The following NUMB variants were observed in gnomAD, a reference collection of about 807,000 sequenced individuals.
The protein encoded by NUMB is protein numb homolog.
Under a neutral mutation model 59.7 loss-of-function variants are expected in NUMB, and 29 were observed. The ratio of observed to expected loss-of-function variants is 0.49; its 90% CI spans 0.36 to 0.66. The LOEUF is 0.66. Among genes scored for constraint, NUMB ranks in the 30% least tolerant of loss-of-function variants. NUMB has a pLI of 0.00. For synonymous variants in NUMB, 288 were observed against 288.2 expected (o/e 1.00, Z 0.01); for missense variants, 723 against 822.0 (o/e 0.88, Z 1.47).
At chr14:73,442,012 C>T (rs1308043345) in intron 1 of NUMB, among the ~76,000 whole-genome samples, 3 of 151,742 alleles carry the variant, frequency 2.0e-5, no homozygotes, top group Non-Finnish European at 4.4e-5. Context: ...AAAGAGTTAC[C>T]ATATAACCTA....
chr14:73,429,442 C>T (rs1449583136), intron 1 of NUMB, among the ~76,000 whole-genome samples: 1 of 152,122 alleles, frequency 6.6e-6, no homozygotes, highest in Admixed American at 6.5e-5. Flanking sequence ...TGAAATCACA[C>T]AGTATGTGGC....
intron 1 of NUMB, among the ~76,000 whole-genome samples, chr14:73,427,108 GCAACTGGC>G (rs1235370107): frequency 1.9e-4 from 29 of 152,174 alleles, no homozygotes; most frequent in Admixed American, 1.9e-3. Context: ...AAGGCTGAAA[GCAACTGGC>G]CAACTCTGCC....
At chr14:73,346,173 C>T (rs1422344571) in intron 4 of NUMB, among the ~76,000 whole-genome samples, 1 of 151,982 alleles carries the variant, frequency 6.6e-6, no homozygotes, top group African/African-American at 2.4e-5. Context: ...AAAATCCCTT[C>T]TCCATTAAAA....
intron 1 of NUMB, among the ~76,000 whole-genome samples, chr14:73,431,365 C>T (rs1454082697): frequency 6.6e-6 from 1 of 151,438 alleles, no homozygotes; most frequent in South Asian, 2.1e-4. Flanking sequence ...AAGCAACTCT[C>T]GTGCTTTGGC....
At chr14:73,425,580 C>G (rs1398654606) in intron 1 of NUMB, among the ~76,000 whole-genome samples, 1 of 152,048 alleles carries the variant, frequency 6.6e-6, no homozygotes, top group East Asian at 1.9e-4. Context: ...TACAGATATT[C>G]TGAATATTGA....
chr14:73,278,413 G>A (rs1305887175), intron 12 of NUMB, among the ~76,000 whole-genome samples: 1 of 151,966 alleles, frequency 6.6e-6, no homozygotes, highest in Non-Finnish European at 1.5e-5. Flanking sequence ...CCAGCTACTC[G>A]GGAGGCTGAG....
At position 73,276,532 on chromosome 14, in the gene NUMB, C is replaced by CT. The variant is rs780907508; in HGVS notation, c.*45dup. The CT allele has an allele frequency of 2.7e-6, 4 of 1,493,116 alleles. No individual in the cohort carries two copies. In the East Asian group the frequency reaches 9.1e-5, roughly 34 times the overall value. The allele number at this position is 1,493,116 out of a possible 1,614,324, so 92.5% of individuals were successfully genotyped here. ...GTTTTGCTCCTTTGACCGCTACCCC[C>CT]TGCTCCCTGTCTGGTATGGACAAGA... On this transcript the variant is annotated 3_prime_UTR_variant, in exon 13 of 13. Coordinates refer to ENST00000555238, the MANE Select transcript of NUMB (RefSeq NM_001005743.2).
chr14:73,434,655 G>A (rs1210613204), intron 1 of NUMB, among the ~76,000 whole-genome samples: 2 of 152,048 alleles, frequency 1.3e-5, no homozygotes, highest in African/African-American at 4.8e-5. Flanking sequence ...TGCTTGAGGT[G>A]AGGAGTTCGA....
At chr14:73,451,819 T>G (rs1884000681) in intron 1 of NUMB, among the ~76,000 whole-genome samples, 1 of 152,202 alleles carries the variant, frequency 6.6e-6, no homozygotes, top group African/African-American at 2.4e-5. Context: ...AGCTAAGCAG[T>G]ATTCTACAGT....
chr14:73,404,056 G>A (rs951662200), intron 2 of NUMB, among the ~76,000 whole-genome samples: 1 of 147,548 alleles, frequency 6.8e-6, no homozygotes, highest in Non-Finnish European at 1.5e-5. Context: ...TCACCTGAGC[G>A]ACAGAGCAAG....
At chr14:73,375,631 G>A (rs1184365137) in intron 2 of NUMB, among the ~76,000 whole-genome samples, 1 of 152,136 alleles carries the variant, frequency 6.6e-6, no homozygotes, top group African/African-American at 2.4e-5. Context: ...ATGAAGGGAT[G>A]CAACCAAGCT....
rs191527598 is a variant in NUMB, at chr14:73,290,496, T to C, written c.450+2238A>G. Among the ~76,000 whole-genome samples, 48 of 152,362 alleles carry C rather than the reference T, an allele frequency of 3.2e-4. 1 individual carries two copies. The highest frequency in any genetic ancestry group is 2.1e-3 in the Admixed American group (32 of 15,304). Reference sequence around the variant, plus strand: ...CAGAATCAGAACTGAAACCCATATCTGACTCAGAGCCTGAGCTCTTAGCAT... The same window carrying C: ...CAGAATCAGAACTGAAACCCATATCCGACTCAGAGCCTGAGCTCTTAGCAT... On this transcript the variant is annotated intron_variant, in intron 8 of 12. Transcript: ENST00000555238.
rs1329448206 is a variant in NUMB at position 73,284,297 on chromosome 14, G to A, written c.733C>T (p.Pro245Ser). 1.9e-6 allele frequency: 3 copies of A among 1,614,072 alleles called. No homozygotes were observed. The highest frequency in any genetic ancestry group is 2.5e-6 in the Non-Finnish European group (3 of 1,180,014). Residue 245 changes from proline (P) to serine (S), a missense_variant, in exon 10 of 13, where the codon CCT (proline) becomes TCT (serine). By Grantham distance (74) the Pro-to-Ser change is moderately conservative. Coordinates refer to ENST00000555238, the MANE Select transcript of NUMB (RefSeq NM_001005743.2). The part of the protein sequence containing the change: ...TAPSPSSPTS[P>S]TSDATTSLEM... ...AGAGAGGTCGTGGCATCAGAAGTAG[G>A]AGAGGTGGGAGAGGATGGGGATGGG...
intron 2 of NUMB, among the ~76,000 whole-genome samples, chr14:73,377,134 G>A (rs1174248011): frequency 6.6e-6 from 1 of 152,134 alleles, no homozygotes; most frequent in African/African-American, 2.4e-5. Flanking sequence ...AAAGCTCCTG[G>A]AAGATAACAT....
intron 4 of NUMB, among the ~76,000 whole-genome samples, chr14:73,353,661 G>A (rs932196872): frequency 2.5e-4 from 33 of 131,440 alleles, no homozygotes; most frequent in African/African-American, 9.2e-4. Flanking sequence ...GCAGTGAGCC[G>A]AGATCTCGTC....
chr14:73,434,048 C>T (rs1897946098), intron 1 of NUMB, among the ~76,000 whole-genome samples: 1 of 152,080 alleles, frequency 6.6e-6, no homozygotes, highest in African/African-American at 2.4e-5. Context: ...GAGCCAAGAT[C>T]GTGCCACTGC....
chr14:73,426,241 T>C (rs1333640636), intron 1 of NUMB, among the ~76,000 whole-genome samples: 1 of 152,170 alleles, frequency 6.6e-6, no homozygotes, highest in Non-Finnish European at 1.5e-5. Flanking sequence ...AAATAAATAA[T>C]GCATAGCTGG....
intron 1 of NUMB, among the ~76,000 whole-genome samples, chr14:73,455,134 TA>T (rs1369780007): frequency 6.6e-6 from 1 of 152,062 alleles, no homozygotes; most frequent in African/African-American, 2.4e-5. Context: ...TAATCTGAAA[TA>T]AAACTAAAAA....
intron 1 of NUMB, among the ~76,000 whole-genome samples, chr14:73,441,179 T>TAG (rs1566798815): frequency 6.6e-6 from 1 of 152,106 alleles, no homozygotes; most frequent in African/African-American, 2.4e-5. Flanking sequence ...TCCAAGAAGA[T>TAG]AGACAAATGG....
Sources: gnomAD v4.1 joint callset for allele counts (sites outside exome capture counted in the v4.1 genomes callset) on GRCh38, gnomAD v4.1.1 for gene constraint, MANE v1.5 for transcripts, NCBI Gene and HGNC (gene_info 2026-07-23, HGNC 2026-07-21) for gene names.